The following CEP83 variants were observed in gnomAD, a reference collection of about 807,000 sequenced individuals.
The protein encoded by CEP83 is centrosomal protein of 83 kDa.
Under a neutral mutation model 101.9 loss-of-function variants are expected in CEP83, and 70 were observed. That is an observed-to-expected ratio of 0.69 (90% CI 0.57 to 0.84). The LOEUF (loss-of-function observed/expected upper bound fraction) is 0.84. CEP83 is among the 40% of genes least tolerant of loss of function. The pLI is 0.00. For synonymous variants in CEP83, 264 were observed against 267.9 expected (o/e 0.99, Z 0.14); for missense variants, 715 against 787.2 (o/e 0.91, Z 1.10).
In CEP83 at chr12:94,371,435, A is replaced by C. The variant is rs150500205; in HGVS notation, c.934-1399T>G. Among the ~76,000 whole-genome samples, 642 of 152,334 alleles carry C rather than the reference A, an allele frequency of 4.2e-3. 3 individuals carry two copies. The highest frequency in any genetic ancestry group is 0.014 in the African/African-American group (588 of 41,572). On this transcript the variant is annotated intron_variant, in intron 8 of 16. Coordinates refer to ENST00000397809, the MANE Select transcript of CEP83 (RefSeq NM_016122.3). Reference sequence around the variant, plus strand: ...GGCAGGAACAAGTATAAATCATATAAATTCATTTTCCATAGCCCTTCTCTT... The same window carrying C: ...GGCAGGAACAAGTATAAATCATATACATTCATTTTCCATAGCCCTTCTCTT...
At position 94,375,895 on chromosome 12, in the gene CEP83, C is replaced by A; in HGVS notation, c.924G>T (p.Leu308Phe). ...ACATAAAACAACTTACTTTACTGGA[C>A]AATGTATTTATTTCTCGTTCAGCTT... is the stretch of plus-strand genomic sequence containing the variant. ...LHKAEREINT[L>F]SSKVKELKHS... Residue 308 changes from leucine to phenylalanine, a missense_variant, in exon 8 of 17, where the codon TTG (leucine) becomes TTT (phenylalanine). By Grantham distance (22) the Leu-to-Phe change is conservative. Transcript: ENST00000397809. 6.8e-7 allele frequency: 1 copy of A among 1,473,950 alleles called. No homozygotes were observed. Among genetic ancestry groups the A allele is most frequent in the Non-Finnish European group, 9.2e-7 (1 of 1,087,714 alleles). The allele number at this position is 1,473,950 out of a possible 1,614,324, so 91.3% of individuals were successfully genotyped here.
intron 6 of CEP83, among the ~76,000 whole-genome samples, chr12:94,391,203 A>G (rs959573383): frequency 1.3e-5 from 2 of 152,294 alleles, no homozygotes; most frequent in Non-Finnish European, 2.9e-5. Context: ...AAATGAAGGA[A>G]AAAGTGTTAA....
chr12:94,290,200 A>T, the CEP83 span, among the ~76,000 whole-genome samples: 164 of 152,350 alleles, frequency 1.1e-3, no homozygotes, highest in Non-Finnish European at 1.6e-3. Flanking sequence ...CCTTTTATAA[A>T]AAGATATTTA....
At chr12:94,458,608 C>T (rs1037216760) in intron 1 of CEP83, among the ~76,000 whole-genome samples, 1 of 151,372 alleles carries the variant, frequency 6.6e-6, no homozygotes, top group African/African-American at 2.4e-5. Flanking sequence ...CATGGTGGCA[C>T]GCACCTGTAA....
At chr12:94,306,995 C>T (rs1593040913), downstream of CEP83, 1 of 152,298 alleles carries the variant, frequency 6.6e-6, no homozygotes, top group African/African-American at 2.4e-5. Flanking sequence ...CATAAGAGAA[C>T]AACAGTAGGA....
the CEP83 span, among the ~76,000 whole-genome samples, chr12:94,289,134 C>G: frequency 1.3e-5 from 2 of 152,138 alleles, no homozygotes; most frequent in Admixed American, 1.3e-4. Context: ...TAAGCTGTGC[C>G]ATAAACATGG....
At chr12:94,303,989 G>T (rs1475252639), downstream of CEP83, 3 of 1,602,388 alleles carry the variant, frequency 1.9e-6, no homozygotes, top group Non-Finnish European at 2.6e-6. Context: ...ACATGAAAAT[G>T]AATTTAATGA....
intron 6 of CEP83, 144 bp from the exon 7 acceptor site, chr12:94,379,186 T>G: frequency 2.9e-6 from 2 of 681,936 alleles, no homozygotes; most frequent in Non-Finnish European, 4.8e-6. Flanking sequence ...AAATTTTAAG[T>G]ATCACTATCT....
intron 4 of CEP83, among the ~76,000 whole-genome samples, chr12:94,403,665 C>G (rs2063378019): frequency 6.6e-6 from 1 of 152,156 alleles, no homozygotes; most frequent in South Asian, 2.1e-4. Context: ...AGAAAAGGCT[C>G]ATTTTTACTC....
chr12:94,393,605 T>A (rs1488086558), intron 6 of CEP83, among the ~76,000 whole-genome samples: 1 of 152,012 alleles, frequency 6.6e-6, no homozygotes, highest in East Asian at 1.9e-4. Flanking sequence ...TATTCAACAG[T>A]GTTGGACGTT....
At chr12:94,365,147 A>C (rs533305316) in intron 11 of CEP83, among the ~76,000 whole-genome samples, 1 of 152,330 alleles carries the variant, frequency 6.6e-6, no homozygotes, top group South Asian at 2.1e-4. Flanking sequence ...AATTTAAAAA[A>C]AATTTTTAAG....
chr12:94,285,361 C>T, the CEP83 span, among the ~76,000 whole-genome samples: 1 of 152,198 alleles, frequency 6.6e-6, no homozygotes. Context: ...GAACACCCAT[C>T]CTTGGGCTTT....
At chr12:94,331,411 G>C (rs1379142843) in intron 14 of CEP83, among the ~76,000 whole-genome samples, 1 of 114,456 alleles carries the variant, frequency 8.7e-6, no homozygotes, top group African/African-American at 3.5e-5. Context: ...CTGTCACCCA[G>C]GCTGGAGTGC....
intron 14 of CEP83, among the ~76,000 whole-genome samples, chr12:94,319,859 C>G (rs1316525756): frequency 2.6e-5 from 4 of 152,138 alleles, no homozygotes; most frequent in Non-Finnish European, 5.9e-5. Context: ...CTGTAGAGGT[C>G]TATCAGATCT....
At position 94,351,742 on chromosome 12, in the gene CEP83, T is replaced by C. The variant is rs79671686; in HGVS notation, c.1343+16052A>G. On this transcript the variant is annotated intron_variant, in intron 11 of 16. Transcript: ENST00000397809. ...CACCCCACATACCTGTAGGGACCAATGATGGGCCCATATGGCAACAGCCAC... is the reference window on the plus strand; with the variant it reads ...CACCCCACATACCTGTAGGGACCAACGATGGGCCCATATGGCAACAGCCAC... Among the ~76,000 whole-genome samples, 845 of 152,224 alleles carry C rather than the reference T, an allele frequency of 5.6e-3. 28 individuals are homozygous for C. In the East Asian group the frequency reaches 0.083, roughly 15 times the overall value.
intron 1 of CEP83, among the ~76,000 whole-genome samples, chr12:94,456,998 G>A (rs929167032): frequency 2.0e-5 from 3 of 152,078 alleles, no homozygotes; most frequent in African/African-American, 7.2e-5. Context: ...CTATTCCTAT[G>A]TATGTATGTA....
intron 2 of CEP83, among the ~76,000 whole-genome samples, chr12:94,427,614 G>T (rs181806971): frequency 1.1e-4 from 16 of 152,222 alleles, no homozygotes; most frequent in African/African-American, 3.6e-4. Flanking sequence ...ATTCAAAAAA[G>T]CACAGCTGCT....
At chr12:94,356,290 C>G (rs767535249) in intron 11 of CEP83, among the ~76,000 whole-genome samples, 5 of 152,156 alleles carry the variant, frequency 3.3e-5, no homozygotes. Flanking sequence ...CAAGGAGGAA[C>G]AAGAGTATAG....
intron 11 of CEP83, among the ~76,000 whole-genome samples, chr12:94,363,335 GAAAT>G (rs972597564): frequency 2.6e-5 from 4 of 152,286 alleles, no homozygotes; most frequent in Admixed American, 6.5e-5. Context: ...TTAAAAACAT[GAAAT>G]AAGTGCTGGT....
Sources: gnomAD v4.1 joint callset for allele counts (sites outside exome capture counted in the v4.1 genomes callset) on GRCh38, gnomAD v4.1.1 for gene constraint, MANE v1.5 for transcripts, NCBI Gene and HGNC (gene_info 2026-07-23, HGNC 2026-07-21) for gene names.